Variants in VWC2L observed in about 807,000 individuals in gnomAD.
VWC2L encodes the protein von Willebrand factor C domain containing 2 like.
A neutral mutation model predicts 21.6 loss-of-function variants in VWC2L; 10 were observed. The ratio of observed to expected loss-of-function variants is 0.46; its 90% CI spans 0.29 to 0.78. The LOEUF is 0.78. Ranked by LOEUF, VWC2L falls within the 30% of genes least tolerant of loss-of-function variation. VWC2L has a pLI of 0.10. For synonymous variants in VWC2L, 96 were observed against 94.3 expected (o/e 1.02, Z -0.10); for missense variants, 209 against 277.1 (o/e 0.75, Z 1.74).
At chr2:214,567,927 T>C (rs141383691) in intron 3 of VWC2L, among the ~76,000 whole-genome samples, 1 of 152,286 alleles carries the variant, frequency 6.6e-6, no homozygotes, top group African/African-American at 2.4e-5. Flanking sequence ...AAATTGCATG[T>C]TATCAACTAA....
chr2:214,578,378 T>C lies in VWC2L; in HGVS notation c.*2558T>C, dbSNP rs753689823. ...CATTAAGGATCTCTCTTCAGAGAGT[T>C]TGCAGAAAGCAGGCTGTTCTGTGGC... is the stretch of plus-strand genomic sequence containing the variant. On this transcript the variant is annotated 3_prime_UTR_variant, in exon 4 of 4. Transcript: ENST00000312504. 4.6e-5 allele frequency: 7 copies of C among 152,210 alleles called. No homozygotes were observed. Among genetic ancestry groups the C allele is most frequent in the Admixed American group, 3.3e-4 (5 of 15,280 alleles). 9.4% of individuals were successfully genotyped at this position (152,210 alleles called of 1,614,324 possible). A position where few individuals can be genotyped will look rare whatever the true frequency, so the allele number is the denominator to read the frequency against.
chr2:214,500,896 T>A (rs1176880758), intron 3 of VWC2L, among the ~76,000 whole-genome samples: 1 of 152,248 alleles, frequency 6.6e-6, no homozygotes, highest in East Asian at 1.9e-4. Context: ...CCTTTCTCAG[T>A]GTTTTCATCA....
intron 3 of VWC2L, among the ~76,000 whole-genome samples, chr2:214,442,759 T>G (rs377701245): frequency 6.6e-6 from 1 of 152,098 alleles, no homozygotes; most frequent in East Asian, 1.9e-4. Context: ...TAAAATGGTA[T>G]ATAAATTGAT....
At chr2:214,422,101 G>T (rs1464108162) in intron 2 of VWC2L, among the ~76,000 whole-genome samples, 1 of 151,200 alleles carries the variant, frequency 6.6e-6, no homozygotes. Flanking sequence ...TGTTAGCCAG[G>T]ATGGTCTCGA....
intron 3 of VWC2L, among the ~76,000 whole-genome samples, chr2:214,509,669 G>A (rs1574605633): frequency 1.3e-5 from 2 of 152,116 alleles, no homozygotes; most frequent in African/African-American, 2.4e-5. Flanking sequence ...GAAGTGAATT[G>A]CTTTTGGGTC....
chr2:214,544,329 G>C (rs1027279332), intron 3 of VWC2L, among the ~76,000 whole-genome samples: 1 of 152,194 alleles, frequency 6.6e-6, no homozygotes, highest in Admixed American at 6.5e-5. Flanking sequence ...CTAGAACCAA[G>C]TACTGTGAGA....
At chr2:214,468,974 T>C (rs1248856945) in intron 3 of VWC2L, among the ~76,000 whole-genome samples, 1 of 152,212 alleles carries the variant, frequency 6.6e-6, no homozygotes, top group African/African-American at 2.4e-5. Context: ...AAAATGTATA[T>C]ATTTTTTGAA....
intron 3 of VWC2L, among the ~76,000 whole-genome samples, chr2:214,522,877 G>C (rs1222590552): frequency 6.6e-6 from 1 of 151,228 alleles, no homozygotes; most frequent in African/African-American, 2.5e-5. Flanking sequence ...ACAATACACA[G>C]AACAATACGG....
chr2:214,541,284 GAA>G (rs201085687), intron 3 of VWC2L, among the ~76,000 whole-genome samples: 2 of 146,222 alleles, frequency 1.4e-5, no homozygotes, highest in Admixed American at 6.8e-5. Context: ...CACCCAAATG[GAA>G]AAAAAAAAAG....
intron 2 of VWC2L, among the ~76,000 whole-genome samples, chr2:214,420,308 G>A (rs1346982448): frequency 1.3e-5 from 2 of 152,104 alleles, no homozygotes; most frequent in East Asian, 1.9e-4. Context: ...GTCATTTGAC[G>A]TCTAGTTGTT....
At chr2:214,509,034 C>G (rs1689013023) in intron 3 of VWC2L, among the ~76,000 whole-genome samples, 1 of 152,096 alleles carries the variant, frequency 6.6e-6, no homozygotes, top group South Asian at 2.1e-4. Context: ...ATGCTCACCC[C>G]TCTCTGGAAT....
chr2:214,553,330 T>G (rs1182045285), intron 3 of VWC2L, among the ~76,000 whole-genome samples: 3 of 152,244 alleles, frequency 2.0e-5, no homozygotes, highest in Admixed American at 6.5e-5. Context: ...GTGCCCAAAG[T>G]GATCAGGCTA....
chr2:214,483,702 G>A (rs911181505), intron 3 of VWC2L, among the ~76,000 whole-genome samples: 2 of 152,132 alleles, frequency 1.3e-5, no homozygotes, highest in African/African-American at 2.4e-5. Flanking sequence ...TAGGAAAGCC[G>A]TTTGATTTAT....
intron 3 of VWC2L, among the ~76,000 whole-genome samples, chr2:214,449,237 A>G (rs1462045481): frequency 6.6e-6 from 1 of 152,226 alleles, no homozygotes; most frequent in African/African-American, 2.4e-5. Flanking sequence ...GTGGATACCT[A>G]GATATACACT....
chr2:214,490,278 T>G (rs2126200752), intron 3 of VWC2L, among the ~76,000 whole-genome samples: 1 of 152,262 alleles, frequency 6.6e-6, no homozygotes, highest in African/African-American at 2.4e-5. Context: ...TGATAACTAC[T>G]AGCCCCAAGT....
intron 3 of VWC2L, among the ~76,000 whole-genome samples, chr2:214,506,957 T>C (rs577943897): frequency 5.4e-4 from 63 of 115,674 alleles, no homozygotes; most frequent in African/African-American, 1.4e-3. Context: ...GTGGCTAAAA[T>C]TACTGAAAAT....
chr2:214,473,004 T>C (rs1340568542), intron 3 of VWC2L, among the ~76,000 whole-genome samples: 1 of 152,248 alleles, frequency 6.6e-6, no homozygotes, highest in African/African-American at 2.4e-5. Flanking sequence ...AAAGATATTA[T>C]ATATTGAAAT....
At chr2:214,537,056 A>G (rs1163682382) in intron 3 of VWC2L, among the ~76,000 whole-genome samples, 1 of 151,766 alleles carries the variant, frequency 6.6e-6, no homozygotes, top group Non-Finnish European at 1.5e-5. Context: ...CTCGGGGCTC[A>G]TTCTTCCAAA....
intron 3 of VWC2L, among the ~76,000 whole-genome samples, chr2:214,528,191 A>C (rs1193221211): frequency 6.6e-6 from 1 of 152,204 alleles, no homozygotes; most frequent in Non-Finnish European, 1.5e-5. Flanking sequence ...ATAATTCATG[A>C]AATCATACAG....
Sources: allele counts gnomAD v4.1 joint callset (sites outside exome capture counted in the v4.1 genomes callset), GRCh38; gene constraint gnomAD v4.1.1; transcripts MANE v1.5; gene names NCBI Gene and HGNC (gene_info 2026-07-23, HGNC 2026-07-21).